Variants in ST3GAL5 observed in about 807,000 individuals in gnomAD.
The protein encoded by ST3GAL5 is ST3 beta-galactoside alpha-2,3-sialyltransferase 5, also known as lactosylceramide alpha-2,3-sialyltransferase.
Under a neutral mutation model 46.1 loss-of-function variants are expected in ST3GAL5, and 25 were observed. The observed-to-expected ratio is 0.54, with a 90% CI of 0.40 to 0.76. The LOEUF (loss-of-function observed/expected upper bound fraction) is 0.76. ST3GAL5 is among the 30% of genes least tolerant of loss of function. ST3GAL5 has a pLI of 0.00. For missense variants in ST3GAL5, 431 were observed against 521.2 expected (o/e 0.83, Z 1.69); for synonymous variants, 182 against 192.7 (o/e 0.94, Z 0.46).
intron 2 of ST3GAL5, among the ~76,000 whole-genome samples, chr2:85,862,298 T>G (rs751082525): frequency 2.9e-4 from 44 of 152,044 alleles, no homozygotes; most frequent in Non-Finnish European, 5.4e-4. Flanking sequence ...CACAAAATAT[T>G]TCTCATATAC....
rs535677297 is a variant in ST3GAL5, at chr2:85,874,160, T to C, written c.83-10675A>G. 2.6e-5 allele frequency among the ~76,000 whole-genome samples: 4 copies of C among 152,344 alleles called. No individual in the cohort carries two copies. In the South Asian group the frequency reaches 8.3e-4, roughly 32 times the overall value. ...AACCAAGATGCAAGCACTTCAGTGA[T>C]TCTCGTGCTTTTTAATCTACTTCAA... On this transcript the variant is annotated intron_variant, in intron 1 of 6. Coordinates refer to ENST00000638572, the MANE Select transcript of ST3GAL5 (RefSeq NM_003896.4).
intron 1 of ST3GAL5, among the ~76,000 whole-genome samples, chr2:85,869,547 T>C (rs949366157): frequency 6.6e-6 from 1 of 152,182 alleles, no homozygotes; most frequent in Admixed American, 6.5e-5. Context: ...TAGGATCCCT[T>C]GATCATCTCT....
At chr2:85,843,563 T>G (rs934479784) in intron 6 of ST3GAL5, among the ~76,000 whole-genome samples, 7 of 152,252 alleles carry the variant, frequency 4.6e-5, no homozygotes, top group Non-Finnish European at 4.4e-5. Flanking sequence ...TTTTTGCCCA[T>G]TTTCTATTGG....
Position 85,861,294 on chromosome 2 carries a change from T to C in ST3GAL5, c.207-2A>G. ...ACTCCAAACACAAGCAATGTACATC[T>C]GGAAAAAAATCAATTAGGTATTATG... On this transcript the variant is annotated splice_acceptor_variant, in intron 2 of 6. Transcript: ENST00000638572. LOFTEE classifies it high-confidence loss of function. The C allele has an allele frequency of 6.3e-7, 1 of 1,580,220 alleles. No individual in the cohort carries two copies. The highest frequency in any genetic ancestry group is 8.7e-7 in the Non-Finnish European group (1 of 1,149,554).
chr2:85,840,210 G>C lies in ST3GAL5; in HGVS notation c.1191C>G (p.Phe397Leu). The C allele has an allele frequency of 6.2e-7, 1 of 1,614,124 alleles. No homozygotes were observed. The highest frequency in any genetic ancestry group is 1.1e-5 in the South Asian group (1 of 91,080). The change falls in exon 7 of 7, where the codon TTC becomes TTG. Residue 397 changes from phenylalanine (F) to leucine (L), a missense_variant. Phe to Leu is a conservative substitution (Grantham distance 22). Transcript: ENST00000638572. ...TMHNVTTETK[F>L]LLKLVKEGVV... The stretch of plus-strand genomic sequence containing the variant: ...CTCCCTCTTTGACCAGCTTTAAGAG[G>C]AACTTGGTTTCCGTTGTCACATTAT...
chr2:85,837,967 T>A lies in ST3GAL5; in HGVS notation c.*2177A>T, dbSNP rs944624532. 6.6e-6 allele frequency: 1 copy of A among 152,036 alleles called. No homozygotes were observed. The highest frequency in any genetic ancestry group is 1.5e-5 in the Non-Finnish European group (1 of 68,080). 9.4% of individuals were successfully genotyped at this position (152,036 alleles called of 1,614,324 possible). ...GCAAAGGTCTGTTTTCAGAAGAGTG[T>A]GTGTGGGGTGGGGGAGTAATGGGGG... On this transcript the variant is annotated 3_prime_UTR_variant, in exon 7 of 7. Coordinates refer to ENST00000638572, the MANE Select transcript of ST3GAL5 (RefSeq NM_003896.4).
chr2:85,845,755 A>G (rs1682716649), intron 5 of ST3GAL5: 1 of 153,036 alleles, frequency 6.5e-6, no homozygotes, highest in Admixed American at 6.5e-5. Flanking sequence ...AATTTCACCC[A>G]TGAAATCAAA....
At chr2:85,877,048 A>G (rs1189846425) in intron 1 of ST3GAL5, among the ~76,000 whole-genome samples, 1 of 152,214 alleles carries the variant, frequency 6.6e-6, no homozygotes, top group Non-Finnish European at 1.5e-5. Context: ...TTGTGCTGCC[A>G]TTCCATTGGT....
Position 85,859,605 on chromosome 2 carries a change from C to T in ST3GAL5, c.318+1576G>A, listed in dbSNP as rs533951151. ...AGGCTGGCCCTGCGACCAGCAAGACCCTGAGACTCAATAGTTTTGCAGGAG... is the reference window on the plus strand; with the variant it reads ...AGGCTGGCCCTGCGACCAGCAAGACTCTGAGACTCAATAGTTTTGCAGGAG... On this transcript the variant is annotated intron_variant, in intron 3 of 6. Coordinates refer to ENST00000638572, the MANE Select transcript of ST3GAL5 (RefSeq NM_003896.4). 4.5e-4 allele frequency among the ~76,000 whole-genome samples: 69 copies of T among 152,268 alleles called. 1 individual carries two copies. In the South Asian group the frequency reaches 0.014, roughly 32 times the overall value.
Position 85,847,976 on chromosome 2 carries a change from G to A in ST3GAL5, c.547C>T (p.Leu183Phe). 6.2e-7 allele frequency: 1 copy of A among 1,614,174 alleles called. No individual in the cohort carries two copies. Among genetic ancestry groups the A allele is most frequent in the Non-Finnish European group, 8.5e-7 (1 of 1,180,036 alleles). Residue 183 changes from leucine to phenylalanine, a missense_variant, in exon 4 of 7, where the codon CTC (leucine) becomes TTC (phenylalanine). Leu to Phe is a conservative substitution (Grantham distance 22, BLOSUM62 0). Coordinates refer to ENST00000638572, the MANE Select transcript of ST3GAL5 (RefSeq NM_003896.4). ...GTCTTGGCTTTCAAGTGTTCAGGGA[G>A]GTCGTGCTCTGGCAAGAGTTCCAAG... ...TLLELLPEHD[L>F]PEHLKAKTCR...
intron 1 of ST3GAL5, among the ~76,000 whole-genome samples, chr2:85,881,158 G>A (rs1204741994): frequency 6.6e-6 from 1 of 152,192 alleles, no homozygotes; most frequent in African/African-American, 2.4e-5. Flanking sequence ...TCTTGCTGCT[G>A]CCATGTAAGA....
In ST3GAL5 at chr2:85,840,116, T is replaced by C. The variant is rs778190858; in HGVS notation, c.*28A>G. 9 of 1,613,956 alleles carry C rather than the reference T, an allele frequency of 5.6e-6. No homozygotes were observed. The highest frequency in any genetic ancestry group is 3.3e-5 in the Admixed American group (2 of 60,002). ...TCAAAAACAGCTCTCAGAGTTAGAG[T>C]TGCATTTTCAACTGAGGTTTTCTGT... On this transcript the variant is annotated 3_prime_UTR_variant, in exon 7 of 7. Coordinates refer to ENST00000638572, the MANE Select transcript of ST3GAL5 (RefSeq NM_003896.4).
intron 4 of ST3GAL5, among the ~76,000 whole-genome samples, chr2:85,846,986 C>A (rs1235234951): frequency 6.6e-6 from 1 of 152,182 alleles, no homozygotes; most frequent in East Asian, 1.9e-4. Context: ...TAGAGACAAG[C>A]TGTCTCTATG....
intron 3 of ST3GAL5, among the ~76,000 whole-genome samples, chr2:85,859,788 A>C (rs574216042): frequency 6.6e-6 from 1 of 152,358 alleles, no homozygotes; most frequent in African/African-American, 2.4e-5. Context: ...ATATTCTCTT[A>C]CTCAACTTCT....
chr2:85,876,462 CTTT>C (rs59265377), intron 1 of ST3GAL5, among the ~76,000 whole-genome samples: 7 of 111,246 alleles, frequency 6.3e-5, no homozygotes, highest in South Asian at 3.1e-4. Flanking sequence ...TTTCTTTTTC[CTTT>C]TTTTTTTTTT....
At chr2:85,864,548 A>G (rs1685067083) in intron 1 of ST3GAL5, among the ~76,000 whole-genome samples, 1 of 151,574 alleles carries the variant, frequency 6.6e-6, no homozygotes, top group Non-Finnish European at 1.5e-5. Flanking sequence ...AAAAAGTTTA[A>G]AAAGAAAGTT....
In ST3GAL5 at chr2:85,861,030, T is replaced by C. The variant is rs1684667579; in HGVS notation, c.318+151A>G. 1.1e-5 allele frequency: 7 copies of C among 660,226 alleles called. No homozygotes were observed. In the South Asian group the frequency reaches 1.2e-4, roughly 11 times the overall value. 40.9% of individuals were successfully genotyped at this position (660,226 alleles called of 1,614,324 possible). Reference sequence around the variant, plus strand: ...GGTGGGTTTTTAGAAGAAGGTTGTCTTTGGTTTTGGAGTGCTGAGATTAAG... The same window carrying C: ...GGTGGGTTTTTAGAAGAAGGTTGTCCTTGGTTTTGGAGTGCTGAGATTAAG... On this transcript the variant is annotated intron_variant, in intron 3 of 6. Coordinates refer to ENST00000638572, the MANE Select transcript of ST3GAL5 (RefSeq NM_003896.4).
chr2:85,885,611 G>C (rs553034383), intron 1 of ST3GAL5, among the ~76,000 whole-genome samples: 23 of 152,028 alleles, frequency 1.5e-4, no homozygotes, highest in Admixed American at 1.4e-3. Context: ...GGCGGATCAC[G>C]AGGTCAGGAA....
chr2:85,871,419 G>C (rs923147609), intron 1 of ST3GAL5, among the ~76,000 whole-genome samples: 6 of 152,070 alleles, frequency 3.9e-5, no homozygotes, highest in African/African-American at 7.2e-5. Flanking sequence ...AAATATAAGG[G>C]CAAATTTGGG....
Sources: gnomAD v4.1 joint callset for allele counts (sites outside exome capture counted in the v4.1 genomes callset) on GRCh38, gnomAD v4.1.1 for gene constraint, MANE v1.5 for transcripts, NCBI Gene and HGNC (gene_info 2026-07-23, HGNC 2026-07-21) for gene names.